Variants in RBFOX1 observed in about 807,000 individuals in gnomAD.
The protein encoded by RBFOX1 is RNA binding fox-1 homolog 1.
A neutral mutation model predicts 57.7 loss-of-function variants in RBFOX1; 8 were observed. The ratio of observed to expected loss-of-function variants is 0.14; its 90% CI spans 0.08 to 0.25. The LOEUF is 0.25. Ranked by LOEUF, RBFOX1 falls within the 10% of genes least tolerant of loss-of-function variation. RBFOX1 has a pLI of 1.00. For synonymous variants in RBFOX1, 326 were observed against 222.4 expected (o/e 1.47, Z -4.15); for missense variants, 611 against 548.5 (o/e 1.11, Z -1.14).
chr16:7,444,095 C>G (rs1375071609), intron 4 of RBFOX1, among the ~76,000 whole-genome samples: 1 of 152,234 alleles, frequency 6.6e-6, no homozygotes, highest in Non-Finnish European at 1.5e-5. Context: ...GTGCAAAACT[C>G]TTGATGAATC....
intron 1 of RBFOX1, among the ~76,000 whole-genome samples, chr16:6,268,299 G>A (rs187282286): frequency 2.6e-5 from 4 of 152,314 alleles, no homozygotes; most frequent in South Asian, 2.1e-4. Flanking sequence ...GGAGCAGGTC[G>A]AATGGAGGAG....
At chr16:5,415,059 A>T (rs554413784) in intron 1 of RBFOX1, among the ~76,000 whole-genome samples, 1 of 152,310 alleles carries the variant, frequency 6.6e-6, no homozygotes, top group African/African-American at 2.4e-5. Flanking sequence ...CATTTTACAG[A>T]TGGGTGAACT....
chr16:7,227,839 G>T (rs1395253389), intron 4 of RBFOX1, among the ~76,000 whole-genome samples: 1 of 152,206 alleles, frequency 6.6e-6, no homozygotes, highest in East Asian at 1.9e-4. Context: ...CCACGGTGAT[G>T]ATGACTTCTG....
At chr16:6,084,729 AT>A (rs1188629825) in intron 1 of RBFOX1, among the ~76,000 whole-genome samples, 1 of 152,054 alleles carries the variant, frequency 6.6e-6, no homozygotes, top group African/African-American at 2.4e-5. Flanking sequence ...ATTCTAGGGT[AT>A]TCAGAGGGCC....
intron 1 of RBFOX1, among the ~76,000 whole-genome samples, chr16:6,132,368 A>G (rs981322448): frequency 6.6e-6 from 1 of 152,218 alleles, no homozygotes; most frequent in African/African-American, 2.4e-5. Context: ...TGCATGATGC[A>G]GTTACCACAG....
At position 6,122,357 on chromosome 16, in the gene RBFOX1, A is replaced by AACAC. The variant is rs61531585; in HGVS notation, c.-127+102401_-127+102404dup. Among the ~76,000 whole-genome samples, 1,408 of 145,434 alleles carry AACAC rather than the reference A, an allele frequency of 9.7e-3. 10 individuals carry two copies. The highest frequency in any genetic ancestry group is 0.025 in the African/African-American group (991 of 39,858). On this transcript the variant is annotated intron_variant, in intron 1 of 15. Transcript: ENST00000550418. ...AACAGAACCTTGTGTCTAAAAGATA[A>AACAC]ACACACACACACACACACACACACA...
chr16:6,462,088 A>G (rs982070150), intron 2 of RBFOX1, among the ~76,000 whole-genome samples: 4 of 152,178 alleles, frequency 2.6e-5, no homozygotes, highest in Non-Finnish European at 5.9e-5. Flanking sequence ...ACAGTTCCAG[A>G]GACAATTTCA....
intron 4 of RBFOX1, among the ~76,000 whole-genome samples, chr16:7,183,106 G>GA (rs1220403223): frequency 3.9e-5 from 6 of 152,104 alleles, no homozygotes; most frequent in Non-Finnish European, 7.4e-5. Context: ...CTAGGAGAGA[G>GA]AATTGAATTG....
chr16:6,303,876 A>T (rs1036444563), intron 1 of RBFOX1, among the ~76,000 whole-genome samples: 1 of 129,600 alleles, frequency 7.7e-6, no homozygotes, highest in Non-Finnish European at 1.5e-5. Flanking sequence ...CAATGGCGCT[A>T]TCTCAGCTCA....
intron 4 of RBFOX1, among the ~76,000 whole-genome samples, chr16:7,214,316 T>C (rs1603267040): frequency 6.6e-6 from 1 of 152,192 alleles, no homozygotes; most frequent in East Asian, 1.9e-4. Flanking sequence ...GATGATCTTA[T>C]CCAGCAAATA....
intron 1 of RBFOX1, among the ~76,000 whole-genome samples, chr16:5,416,932 G>A (rs1438557056): frequency 3.3e-5 from 5 of 152,252 alleles, no homozygotes; most frequent in East Asian, 3.9e-4. Flanking sequence ...GGAAACCAAG[G>A]GGATGGCTTA....
At chr16:7,189,733 C>G (rs545555308) in intron 4 of RBFOX1, among the ~76,000 whole-genome samples, 4 of 152,198 alleles carry the variant, frequency 2.6e-5, no homozygotes, top group African/African-American at 9.7e-5. Flanking sequence ...CAGCAGTTCC[C>G]GTGGTTCCCA....
At chr16:6,799,933 C>T (rs111448090) in intron 3 of RBFOX1, among the ~76,000 whole-genome samples, 1 of 152,114 alleles carries the variant, frequency 6.6e-6, no homozygotes, top group Non-Finnish European at 1.5e-5. Flanking sequence ...TATAGTGAGA[C>T]TTCGTCTTGT....
chr16:5,296,015 T>G (rs1172478890), intron 1 of RBFOX1, among the ~76,000 whole-genome samples: 6 of 152,204 alleles, frequency 3.9e-5, no homozygotes, highest in African/African-American at 1.4e-4. Context: ...GTTAATATCA[T>G]CAGGTTGATA....
chr16:5,809,481 AAAAC>A (rs1326464707), intron 3 of RBFOX1, among the ~76,000 whole-genome samples: 5 of 151,868 alleles, frequency 3.3e-5, no homozygotes, highest in South Asian at 2.1e-4. Context: ...TTACAAGAAA[AAAAC>A]AAACAACCCC....
chr16:5,468,396 C>G (rs911045236), intron 2 of RBFOX1, among the ~76,000 whole-genome samples: 2 of 152,178 alleles, frequency 1.3e-5, no homozygotes, highest in Non-Finnish European at 2.9e-5. Context: ...TGCATTCTGT[C>G]TCTGTGGGCT....
intron 11 of RBFOX1, among the ~76,000 whole-genome samples, chr16:7,641,131 G>C (rs1193207070): frequency 1.3e-5 from 2 of 152,092 alleles, no homozygotes; most frequent in Admixed American, 6.5e-5. Flanking sequence ...TGAATCCAAG[G>C]GCACTCATAA....
At chr16:7,237,042 C>G (rs1413516628) in intron 4 of RBFOX1, among the ~76,000 whole-genome samples, 2 of 152,140 alleles carry the variant, frequency 1.3e-5, no homozygotes, top group African/African-American at 2.4e-5. Flanking sequence ...CACCCATCAG[C>G]AAGAGAGGAA....
intron 4 of RBFOX1, among the ~76,000 whole-genome samples, chr16:7,362,533 A>C (rs187187237): frequency 5.7e-4 from 87 of 151,402 alleles, no homozygotes; most frequent in African/African-American, 1.9e-3. Flanking sequence ...CATGTGTGTC[A>C]GTGTGTAGAT....
Sources: allele counts gnomAD v4.1 joint callset (sites outside exome capture counted in the v4.1 genomes callset), GRCh38; gene constraint gnomAD v4.1.1; transcripts MANE v1.5; gene names NCBI Gene and HGNC (gene_info 2026-07-23, HGNC 2026-07-21).